The following ATF1 variants were observed in gnomAD, a reference collection of about 807,000 sequenced individuals.
ATF1 encodes activating transcription factor 1, also known as cyclic AMP-dependent transcription factor ATF-1.
A neutral mutation model predicts 34.7 loss-of-function variants in ATF1; 16 were observed. The observed-to-expected ratio is 0.46, with a 90% CI of 0.31 to 0.70. The LOEUF is 0.70. ATF1 is among the 30% of genes least tolerant of loss of function. The pLI is 0.05. For synonymous variants in ATF1, 105 were observed against 113.1 expected (o/e 0.93, Z 0.46); for missense variants, 255 against 321.6 (o/e 0.79, Z 1.58).
intron 1 of ATF1, among the ~76,000 whole-genome samples, chr12:50,772,760 T>C (rs1592166139): frequency 6.6e-6 from 1 of 152,132 alleles, no homozygotes; most frequent in South Asian, 2.1e-4. Flanking sequence ...CCTTTTTTTT[T>C]CCCTTCAACT....
chr12:50,807,802 G>GGTTTTTTTTGTTTTTTTTT (rs1565916769), intron 3 of ATF1, among the ~76,000 whole-genome samples: 1 of 141,880 alleles, frequency 7.0e-6, no homozygotes, highest in African/African-American at 2.6e-5. Context: ...TTGTGTGTGT[G>GGTTTTTTTTGTTTTTTTTT]TTTTTTTTTT....
At chr12:50,772,388 A>G (rs1425104243) in intron 1 of ATF1, among the ~76,000 whole-genome samples, 1 of 140,536 alleles carries the variant, frequency 7.1e-6, no homozygotes, top group Non-Finnish European at 1.5e-5. Flanking sequence ...GTGCAATGGC[A>G]TGGTCTCGGC....
At chr12:50,783,844 G>A (rs1402860824) in intron 2 of ATF1, among the ~76,000 whole-genome samples, 1 of 147,438 alleles carries the variant, frequency 6.8e-6, no homozygotes, top group African/African-American at 2.5e-5. Context: ...TCCAGACTGG[G>A]CGACAGCGCA....
chr12:50,771,229 C>G (rs768474547), intron 1 of ATF1, among the ~76,000 whole-genome samples: 2 of 152,158 alleles, frequency 1.3e-5, no homozygotes, highest in Non-Finnish European at 2.9e-5. Context: ...TGGCCTCGAA[C>G]TCCTGACCTC....
At chr12:50,812,606 A>C (rs1009318475) in intron 4 of ATF1, among the ~76,000 whole-genome samples, 1 of 152,064 alleles carries the variant, frequency 6.6e-6, no homozygotes. Context: ...CCAAAGTGGG[A>C]GGATCACTTG....
At chr12:50,786,645 T>C (rs1941191244) in intron 2 of ATF1, among the ~76,000 whole-genome samples, 1 of 151,952 alleles carries the variant, frequency 6.6e-6, no homozygotes, top group Non-Finnish European at 1.5e-5. Context: ...CCATTGTGTC[T>C]GGGAAAAGTA....
chr12:50,781,996 C>T (rs1941073524), intron 2 of ATF1, among the ~76,000 whole-genome samples: 1 of 150,194 alleles, frequency 6.7e-6, no homozygotes, highest in African/African-American at 2.5e-5. Context: ...TTAATGTTAA[C>T]AATACACAAA....
At position 50,812,455 on chromosome 12, in the gene ATF1, T is replaced by TATAA. The variant is rs1941756720; in HGVS notation, c.329-1548_329-1545dup. ...TTAATTTTATTTATGTTGATACTTA[T>TATAA]ATAAATAAATGTGTATGTGTATATA... On this transcript the variant is annotated intron_variant, in intron 4 of 6. Coordinates refer to ENST00000262053, the MANE Select transcript of ATF1 (RefSeq NM_005171.5). 3.3e-5 allele frequency among the ~76,000 whole-genome samples: 5 copies of TATAA among 152,336 alleles called. No individual in the cohort carries two copies. The South Asian group carries it at 1.0e-3, about 32-fold the overall frequency.
intron 2 of ATF1, among the ~76,000 whole-genome samples, chr12:50,783,601 G>A (rs1005728627): frequency 2.0e-5 from 3 of 152,154 alleles, no homozygotes; most frequent in Admixed American, 1.3e-4. Context: ...TGGGCACAGT[G>A]GCTCATGCCT....
At chr12:50,792,103 A>G (rs1381049848) in intron 2 of ATF1, among the ~76,000 whole-genome samples, 3 of 152,100 alleles carry the variant, frequency 2.0e-5, no homozygotes, top group African/African-American at 7.2e-5. Context: ...CCCTCCATAC[A>G]TACCCTCAGG....
At chr12:50,796,596 G>A (rs1368753019) in intron 3 of ATF1, among the ~76,000 whole-genome samples, 2 of 151,936 alleles carry the variant, frequency 1.3e-5, no homozygotes, top group Non-Finnish European at 2.9e-5. Context: ...AGCTACTTGG[G>A]AGGCTGAGGC....
intron 2 of ATF1, among the ~76,000 whole-genome samples, chr12:50,788,488 GTT>G (rs796614717): frequency 7.0e-6 from 1 of 142,234 alleles, no homozygotes; most frequent in Admixed American, 7.1e-5. Flanking sequence ...ACCTGGCCCT[GTT>G]TTTTTTTTTT....
At chr12:50,804,487 C>A (rs1000842694) in intron 3 of ATF1, among the ~76,000 whole-genome samples, 6 of 152,130 alleles carry the variant, frequency 3.9e-5, no homozygotes, top group Non-Finnish European at 7.3e-5. Context: ...GAGTTCAAGA[C>A]CAGCCAGGGC....
intron 3 of ATF1, among the ~76,000 whole-genome samples, chr12:50,796,764 G>A (rs1775105752): frequency 1.3e-5 from 2 of 151,852 alleles, no homozygotes; most frequent in African/African-American, 4.8e-5. Flanking sequence ...AACACCAAAT[G>A]GATAAGAGAC....
rs1467144201 is a variant in ATF1 at position 50,820,237 on chromosome 12, A to G, written c.*458A>G. ...AAATTACAAAGGTAAGAGAAAACCT[A>G]GTACATTACTAAATATATAAAGTAT... On this transcript the variant is annotated 3_prime_UTR_variant, in exon 7 of 7. Transcript: ENST00000262053. 1 of 200,612 alleles carries G rather than the reference A, an allele frequency of 5.0e-6. No homozygotes were observed. The highest frequency in any genetic ancestry group is 2.3e-5 in the African/African-American group (1 of 43,500). The allele number at this position is 200,612 out of a possible 1,614,324, so 12.4% of individuals were successfully genotyped here.
At chr12:50,768,160 A>G (rs1940685005) in intron 1 of ATF1, among the ~76,000 whole-genome samples, 1 of 152,142 alleles carries the variant, frequency 6.6e-6, no homozygotes, top group South Asian at 2.1e-4. Flanking sequence ...GGCATGAGCC[A>G]CCGCACCCAG....
chr12:50,803,418 A>G (rs1196017439), intron 3 of ATF1, among the ~76,000 whole-genome samples: 1 of 152,134 alleles, frequency 6.6e-6, no homozygotes, highest in African/African-American at 2.4e-5. Flanking sequence ...AGGATGACTA[A>G]AATAGAAAAA....
chr12:50,793,337 AT>A (rs1241553730), intron 2 of ATF1, among the ~76,000 whole-genome samples: 3 of 152,122 alleles, frequency 2.0e-5, no homozygotes, highest in Admixed American at 2.0e-4. Context: ...GAAATGAAGT[AT>A]TTTATGGCCA....
At position 50,802,623 on chromosome 12, in the gene ATF1, A is replaced by G. The variant is rs779596530; in HGVS notation, c.194+6614A>G. Reference sequence around the variant, plus strand: ...AGCGGTGGCTCACATCTGTAATTCCAGCACTTTGGGAGGTCAAGGTGGGGC... The same window carrying G: ...AGCGGTGGCTCACATCTGTAATTCCGGCACTTTGGGAGGTCAAGGTGGGGC... On this transcript the variant is annotated intron_variant, in intron 3 of 6. Coordinates refer to ENST00000262053, the MANE Select transcript of ATF1 (RefSeq NM_005171.5). 8.1e-4 allele frequency among the ~76,000 whole-genome samples: 124 copies of G among 152,228 alleles called. 2 individuals are homozygous for G. The Middle Eastern group carries it at 0.014, about 17-fold the overall frequency.
Sources: allele counts gnomAD v4.1 joint callset (sites outside exome capture counted in the v4.1 genomes callset), GRCh38; gene constraint gnomAD v4.1.1; transcripts MANE v1.5; gene names NCBI Gene and HGNC (gene_info 2026-07-23, HGNC 2026-07-21).